Variants in ETV6 observed in about 807,000 individuals in gnomAD.
ETV6 encodes the protein ETS variant transcription factor 6, also known as transcription factor ETV6.
In ETV6, 16 loss-of-function variants were observed where a neutral mutation model predicts 51.1. The observed-to-expected ratio is 0.31, with a 90% confidence interval of 0.21 to 0.48. The LOEUF is 0.48. Ranked by LOEUF, ETV6 falls within the 20% of genes least tolerant of loss-of-function variation. ETV6 has a pLI of 0.99. For synonymous variants in ETV6, 240 were observed against 224.1 expected, an observed-to-expected ratio of 1.07 and a Z score of -0.64; for missense variants, 458 against 594.8, an observed-to-expected ratio of 0.77 and a Z score of 2.39.
chr12:11,894,968 G>A lies in ETV6; in HGVS notation c.*3922G>A, dbSNP rs530745851. On this transcript the variant is annotated 3_prime_UTR_variant, in exon 8 of 8. Transcript: ENST00000396373. ...TGTTCACTCTCTCCTGCTCCTCTTCGGAGTAGAAATAAAGGCTGTGACACA... is the reference window on the plus strand; with the variant it reads ...TGTTCACTCTCTCCTGCTCCTCTTCAGAGTAGAAATAAAGGCTGTGACACA... The A allele has an allele frequency of 1.3e-5, 3 of 233,632 alleles. No individual in the cohort carries two copies. The highest frequency in any genetic ancestry group is 3.6e-4 in the South Asian group (2 of 5,518). The allele number at this position is 233,632 out of a possible 1,614,324, so 14.5% of individuals were successfully genotyped here.
intron 2 of ETV6, among the ~76,000 whole-genome samples, chr12:11,807,640 T>C (rs1374846892): frequency 6.6e-6 from 1 of 152,208 alleles, no homozygotes; most frequent in Non-Finnish European, 1.5e-5. Flanking sequence ...AATAACCCAC[T>C]TTAGTCTTTA....
At chr12:11,691,616 C>A (rs745474691) in intron 1 of ETV6, among the ~76,000 whole-genome samples, 2 of 152,146 alleles carry the variant, frequency 1.3e-5, no homozygotes, top group Non-Finnish European at 2.9e-5. Context: ...TTGGGACTTA[C>A]TTTTTTACTT....
At chr12:11,738,170 TTTGC>T (rs760732066) in intron 1 of ETV6, among the ~76,000 whole-genome samples, 2,671 of 151,840 alleles carry the variant, frequency 0.018, 35 homozygotes, top group Non-Finnish European at 0.029. Flanking sequence ...GCTCTGCTAG[TTTGC>T]TTGCTTGCTT....
At chr12:11,741,578 G>A (rs1297387457) in intron 1 of ETV6, among the ~76,000 whole-genome samples, 1 of 152,226 alleles carries the variant, frequency 6.6e-6, no homozygotes, top group Non-Finnish European at 1.5e-5. Context: ...GACATGGGGG[G>A]AGCTGCAGAG....
chr12:11,725,886 A>G (rs1865478665), intron 1 of ETV6, among the ~76,000 whole-genome samples: 1 of 152,208 alleles, frequency 6.6e-6, no homozygotes, highest in African/African-American at 2.4e-5. Context: ...CCAGAAGCAG[A>G]TGCTAGGGCC....
intron 3 of ETV6, among the ~76,000 whole-genome samples, chr12:11,846,264 C>T (rs1946462005): frequency 6.6e-6 from 1 of 151,456 alleles, no homozygotes; most frequent in South Asian, 2.1e-4. Context: ...GAATCTGAAG[C>T]CTCTGAATAA....
chr12:11,789,417 G>A (rs971567603), intron 2 of ETV6, among the ~76,000 whole-genome samples: 2 of 152,172 alleles, frequency 1.3e-5, no homozygotes, highest in Non-Finnish European at 2.9e-5. Context: ...TAGTTCAGAT[G>A]CCATAGGTGT....
intron 1 of ETV6, among the ~76,000 whole-genome samples, chr12:11,688,751 C>T (rs77511229): frequency 0.019 from 2,867 of 152,280 alleles, 41 homozygotes; most frequent in Middle Eastern, 0.075. Context: ...TAACCATAGC[C>T]TTAGCTGCTC....
intron 1 of ETV6, among the ~76,000 whole-genome samples, chr12:11,728,112 T>G (rs10772502): frequency 0.79 from 120,057 of 152,150 alleles, 53,456 homozygotes; most frequent in Non-Finnish European, 0.98. Context: ...GAGCCACCGC[T>G]CCCCGGCCTC....
In ETV6 at chr12:11,740,125, G is replaced by T. The variant is rs1009952; in HGVS notation, c.34-12325G>T. Among the ~76,000 whole-genome samples the T allele has an allele frequency of 2.9e-3, 443 of 152,328 alleles. 3 individuals are homozygous for T. The highest frequency in any genetic ancestry group is 9.3e-3 in the African/African-American group (386 of 41,576). Reference sequence around the variant, plus strand: ...TGGGAACAAAAAACTACATTCGTGCGTAGTACGAATTTGTGCCTGCTGGGT... The same window carrying T: ...TGGGAACAAAAAACTACATTCGTGCTTAGTACGAATTTGTGCCTGCTGGGT... On this transcript the variant is annotated intron_variant, in intron 1 of 7. Coordinates refer to ENST00000396373, the MANE Select transcript of ETV6 (RefSeq NM_001987.5).
intron 2 of ETV6, among the ~76,000 whole-genome samples, chr12:11,794,452 C>A (rs540827208): frequency 6.6e-6 from 1 of 152,164 alleles, no homozygotes; most frequent in South Asian, 2.1e-4. Context: ...CTGCTGCCTC[C>A]GTACTCAGAG....
chr12:11,732,444 G>A (rs1455197228), intron 1 of ETV6, among the ~76,000 whole-genome samples: 1 of 152,152 alleles, frequency 6.6e-6, no homozygotes, highest in East Asian at 1.9e-4. Context: ...GAAAGAAGCT[G>A]GAAGTAGAAA....
chr12:11,876,341 A>G (rs1946982921), intron 5 of ETV6, among the ~76,000 whole-genome samples: 1 of 152,216 alleles, frequency 6.6e-6, no homozygotes, highest in Non-Finnish European at 1.5e-5. Flanking sequence ...GTTCTAGATG[A>G]TAGGGCACTG....
intron 2 of ETV6, among the ~76,000 whole-genome samples, chr12:11,801,845 G>A (rs764445383): frequency 5.3e-5 from 8 of 152,194 alleles, no homozygotes; most frequent in Non-Finnish European, 1.0e-4. Flanking sequence ...CAGTGAATAA[G>A]CAATTATCTG....
chr12:11,839,428 G>A (rs750657621), intron 3 of ETV6, 124 bp downstream of exon 3: 6 of 1,000,186 alleles, frequency 6.0e-6, no homozygotes, highest in Middle Eastern at 5.2e-4. Flanking sequence ...AAGGGATGAC[G>A]ATGGAAGGAA....
At chr12:11,768,064 C>T (rs779425370) in intron 2 of ETV6, among the ~76,000 whole-genome samples, 2 of 151,972 alleles carry the variant, frequency 1.3e-5, no homozygotes, top group Admixed American at 6.5e-5. Flanking sequence ...CGTTATGGTT[C>T]TCCTTGTCCA....
intron 1 of ETV6, among the ~76,000 whole-genome samples, chr12:11,667,215 C>T (rs953355949): frequency 6.6e-6 from 1 of 152,196 alleles, no homozygotes; most frequent in Non-Finnish European, 1.5e-5. Flanking sequence ...AGTAGTTGAA[C>T]AGAATTTTTT....
chr12:11,802,340 G>A (rs570736614), intron 2 of ETV6, among the ~76,000 whole-genome samples: 9 of 152,280 alleles, frequency 5.9e-5, no homozygotes, highest in African/African-American at 1.9e-4. Flanking sequence ...GGACTGCTTA[G>A]ATTTATAACG....
At chr12:11,833,516 A>C (rs1248150065) in intron 2 of ETV6, among the ~76,000 whole-genome samples, 1 of 152,202 alleles carries the variant, frequency 6.6e-6, no homozygotes, top group Non-Finnish European at 1.5e-5. Flanking sequence ...TCCTGCCAAA[A>C]CACCAAATAA....
Sources: allele counts gnomAD v4.1 joint callset (sites outside exome capture counted in the v4.1 genomes callset), GRCh38; gene constraint gnomAD v4.1.1; transcripts MANE v1.5; gene names NCBI Gene and HGNC (gene_info 2026-07-23, HGNC 2026-07-21).